Variants in PCNX1 observed in about 807,000 individuals in gnomAD.
The protein encoded by PCNX1 is pecanex 1.
PCNX1 carries 78 observed loss-of-function variants against 242.2 expected under a neutral mutation model. The observed-to-expected ratio is 0.32, with a 90% CI of 0.27 to 0.39. The LOEUF (loss-of-function observed/expected upper bound fraction) is 0.39, where lower values mean the gene tolerates loss of function less well. PCNX1 is among the 10% of genes least tolerant of loss of function. The pLI is 1.00. For synonymous variants in PCNX1, 1,024 were observed against 1,032.9 expected, an observed-to-expected ratio of 0.99 and a Z score of 0.17; for missense variants, 2,581 against 2,856.5, an observed-to-expected ratio of 0.90 and a Z score of 2.20.
intron 27 of PCNX1, among the ~76,000 whole-genome samples, chr14:71,075,579 A>T (rs1238491830): frequency 6.6e-6 from 1 of 152,100 alleles, no homozygotes; most frequent in Non-Finnish European, 1.5e-5. Context: ...CTTTTGAAAT[A>T]TCCTAAGTTC....
chr14:70,960,221 G>A (rs1001902355), intron 2 of PCNX1, among the ~76,000 whole-genome samples: 9 of 129,676 alleles, frequency 6.9e-5, no homozygotes, highest in African/African-American at 2.0e-4. Context: ...CCGTGCAGAA[G>A]CTCTTTAGTT....
chr14:71,081,137 T>G (rs2061844745), intron 28 of PCNX1, among the ~76,000 whole-genome samples: 1 of 152,228 alleles, frequency 6.6e-6, no homozygotes, highest in African/African-American at 2.4e-5. Context: ...CATGTGGTTT[T>G]TGTCATTGGT....
intron 22 of PCNX1, among the ~76,000 whole-genome samples, chr14:71,049,442 T>C (rs950751599): frequency 1.3e-5 from 2 of 152,178 alleles, no homozygotes; most frequent in Non-Finnish European, 2.9e-5. Context: ...AATAACCTTT[T>C]AAGAAAAATT....
chr14:71,082,163 C>G (rs1338352089), intron 28 of PCNX1, among the ~76,000 whole-genome samples: 1 of 152,074 alleles, frequency 6.6e-6, no homozygotes, highest in South Asian at 2.1e-4. Context: ...TGTTGTTGTG[C>G]GGTTTTGAGT....
chr14:71,071,339 G>A (rs927119634), intron 26 of PCNX1, among the ~76,000 whole-genome samples: 2 of 152,048 alleles, frequency 1.3e-5, no homozygotes, highest in African/African-American at 4.8e-5. Flanking sequence ...TCACAACTTG[G>A]CTATTTGGTG....
chr14:70,952,327 A>G (rs569444455), intron 2 of PCNX1, among the ~76,000 whole-genome samples: 1 of 152,180 alleles, frequency 6.6e-6, no homozygotes, highest in Non-Finnish European at 1.5e-5. Flanking sequence ...TCAAGTGACT[A>G]CTTCATTACC....
intron 2 of PCNX1, among the ~76,000 whole-genome samples, chr14:70,950,185 C>T (rs964620863): frequency 6.6e-6 from 1 of 152,036 alleles, no homozygotes. Context: ...TTGTTTATTG[C>T]CTTAATCACT....
intron 28 of PCNX1, among the ~76,000 whole-genome samples, chr14:71,077,387 G>C (rs1006524151): frequency 3.3e-5 from 5 of 152,166 alleles, no homozygotes; most frequent in African/African-American, 1.2e-4. Context: ...TGCTATCATG[G>C]AGCAGTGTGA....
At position 70,977,790 on chromosome 14, in the gene PCNX1, T is replaced by G. The variant is rs1369745147; in HGVS notation, c.1453T>G (p.Ser485Ala). 1 of 1,613,968 alleles carries G rather than the reference T, an allele frequency of 6.2e-7. No homozygotes were observed. The highest frequency in any genetic ancestry group is 1.3e-5 in the African/African-American group (1 of 74,890). The stretch of plus-strand genomic sequence containing the variant: ...GCACAACCAGAGAGGTCTCAGCACC[T>G]CTGCATCTGAAGAAGCCAATAAAAA... ...EMHNQRGLST[S>A]ASEEANKNPH... The change falls in exon 6 of 36, where the codon TCT (serine) becomes GCT (alanine). Residue 485 changes from serine to alanine, a missense_variant. Ser to Ala is a moderately conservative substitution (Grantham distance 99, BLOSUM62 1). This residue lies in a region of PCNX1 where 1,204 missense variants were observed against 1,216.7 expected (regional missense o/e 0.99). Coordinates refer to ENST00000304743, the MANE Select transcript of PCNX1 (RefSeq NM_014982.3).
intron 1 of PCNX1, among the ~76,000 whole-genome samples, chr14:70,931,107 C>G (rs2056782109): frequency 6.6e-6 from 1 of 152,098 alleles, no homozygotes; most frequent in Non-Finnish European, 1.5e-5. Flanking sequence ...CCCTTCTCAC[C>G]AGCATTCTCT....
rs747565222 is a variant in PCNX1 at position 71,103,564 on chromosome 14, C to A, written c.5990C>A (p.Pro1997His). The A allele has an allele frequency of 6.2e-7, 1 of 1,614,112 alleles. No homozygotes were observed. Among genetic ancestry groups the A allele is most frequent in the Non-Finnish European group, 8.5e-7 (1 of 1,180,004 alleles). Residue 1997 changes from proline (P) to histidine (H), a missense_variant, in exon 32 of 36, where the codon CCC (proline) becomes CAC (histidine). By Grantham distance (77) the Pro-to-His change is moderately conservative. Transcript: ENST00000304743. ...ATTGGCTACCCAATCTTTGTCTCACCCCTGACAACTTCTTACTCTGACAGC... is the reference window on the plus strand; with the variant it reads ...ATTGGCTACCCAATCTTTGTCTCACACCTGACAACTTCTTACTCTGACAGC... ...QPIGYPIFVS[P>H]LTTSYSDSHE... is the part of the protein sequence containing the mutation.
intron 3 of PCNX1, among the ~76,000 whole-genome samples, chr14:70,964,002 GT>G (rs371546086): frequency 6.6e-6 from 1 of 152,022 alleles, no homozygotes; most frequent in Non-Finnish European, 1.5e-5. Context: ...GATGTCAAGA[GT>G]TTTTTTGTTG....
intron 2 of PCNX1, among the ~76,000 whole-genome samples, chr14:70,955,473 T>C (rs1349355081): frequency 6.6e-6 from 1 of 152,218 alleles, no homozygotes; most frequent in South Asian, 2.1e-4. Flanking sequence ...GAGCAATAAA[T>C]ATGATACTAA....
At chr14:70,930,741 T>A (rs2056765005) in intron 1 of PCNX1, among the ~76,000 whole-genome samples, 1 of 152,144 alleles carries the variant, frequency 6.6e-6, no homozygotes, top group Non-Finnish European at 1.5e-5. Context: ...CTGAAATTAG[T>A]TTGGCCCTGT....
At position 71,102,153 on chromosome 14, in the gene PCNX1, A is replaced by G; in HGVS notation, c.5753A>G (p.Asp1918Gly). ...TTGCTTGCTCTGCGGCATGTCATGGATGATGGCACCAATGAATATAAAATC... is the reference window on the plus strand; with the variant it reads ...TTGCTTGCTCTGCGGCATGTCATGGGTGATGGCACCAATGAATATAAAATC... Reference protein sequence around the residue: ...PSLLALRHVMDDGTNEYKIIM... With the variant: ...PSLLALRHVMGDGTNEYKIIM... Residue 1918 changes from aspartate (D) to glycine (G), a missense_variant, in exon 31 of 36, where the codon GAT becomes GGT. Transcript: ENST00000304743. The G allele has an allele frequency of 6.2e-7, 1 of 1,614,144 alleles. No individual in the cohort carries two copies. Among genetic ancestry groups the G allele is most frequent in the Non-Finnish European group, 8.5e-7 (1 of 1,179,996 alleles).
rs764747716 is a variant in PCNX1 at position 71,057,501 on chromosome 14, T to C, written c.4637-8T>C. 19 of 1,589,390 alleles carry C rather than the reference T, an allele frequency of 1.2e-5. No individual in the cohort carries two copies. In the South Asian group the frequency reaches 2.0e-4, roughly 17 times the overall value. On this transcript the variant is annotated splice_polypyrimidine_tract_variant and splice_region_variant and intron_variant, in intron 25 of 35. Coordinates refer to ENST00000304743, the MANE Select transcript of PCNX1 (RefSeq NM_014982.3). The stretch of plus-strand genomic sequence containing the variant: ...AAATTTAACTTTTTTTAAAATCTCT[T>C]TTTATAGGATCAGATGACAACAATC...
At chr14:70,964,200 G>A (rs2058309375) in intron 3 of PCNX1, among the ~76,000 whole-genome samples, 1 of 152,042 alleles carries the variant, frequency 6.6e-6, no homozygotes, top group African/African-American at 2.4e-5. Flanking sequence ...CTAAGTAGCT[G>A]GGATTACAGG....
chr14:70,932,191 C>T (rs1027437763), intron 1 of PCNX1, among the ~76,000 whole-genome samples: 3 of 152,122 alleles, frequency 2.0e-5, no homozygotes, highest in Non-Finnish European at 2.9e-5. Flanking sequence ...AATTTGGAAA[C>T]GAAACTTTTT....
chr14:71,001,186 GT>G lies in PCNX1; in HGVS notation c.2629+5264del, dbSNP rs575910495. Among the ~76,000 whole-genome samples the G allele has an allele frequency of 7.9e-5, 12 of 152,176 alleles. No homozygotes were observed. In the East Asian group the frequency reaches 2.3e-3, roughly 29 times the overall value. On this transcript the variant is annotated intron_variant, in intron 8 of 35. Coordinates refer to ENST00000304743, the MANE Select transcript of PCNX1 (RefSeq NM_014982.3). ...TAACCCCATTGTTAGTCTTCACACTGTTTCCTGATATTTCCTATTGCAGTGA... is the reference window on the plus strand; with the variant it reads ...TAACCCCATTGTTAGTCTTCACACTGTTCCTGATATTTCCTATTGCAGTGA...
Sources: gnomAD v4.1 joint callset for allele counts (sites outside exome capture counted in the v4.1 genomes callset) on GRCh38, gnomAD v4.1.1 for gene constraint, gnomAD v4.1.1 regional missense constraint, MANE v1.5 for transcripts, NCBI Gene and HGNC (gene_info 2026-07-23, HGNC 2026-07-21) for gene names.